Variants in OCA2 observed in about 807,000 individuals in gnomAD.
OCA2 encodes P protein.
OCA2 carries 77 observed loss-of-function variants against 100.2 expected under a neutral mutation model. That is an observed-to-expected ratio of 0.77 (90% CI 0.64 to 0.93). OCA2 has a LOEUF of 0.93. Ranked by LOEUF, OCA2 falls within the 40% of genes least tolerant of loss-of-function variation. OCA2 has a pLI of 0.00. For missense variants in OCA2, 1,062 were observed against 1,089.1 expected, an observed-to-expected ratio of 0.98 and a Z score of 0.35; for synonymous variants, 432 against 439.2, an observed-to-expected ratio of 0.98 and a Z score of 0.21.
In OCA2 at chr15:27,764,385, A is replaced by G. The variant is rs147463768; in HGVS notation, c.2433-8913T>C. On this transcript the variant is annotated intron_variant, in intron 23 of 23. Coordinates refer to ENST00000354638, the MANE Select transcript of OCA2 (RefSeq NM_000275.3). ...AAAGGCATTTTGCACATGCCACAAG[A>G]TCCCTGAAAGAGCCCTTATCTCATA... is the stretch of plus-strand genomic sequence containing the variant. Among the ~76,000 whole-genome samples, 1,438 of 152,224 alleles carry G rather than the reference A, an allele frequency of 9.4e-3. 38 individuals are homozygous for G. Among genetic ancestry groups the G allele is most frequent in the African/African-American group, 0.033 (1,386 of 41,504 alleles).
intron 9 of OCA2, among the ~76,000 whole-genome samples, chr15:28,014,342 C>T (rs1048697029): frequency 4.6e-5 from 7 of 152,296 alleles, no homozygotes; most frequent in Middle Eastern, 3.4e-3. Context: ...AATAATCCCT[C>T]CGGGCACACA....
the OCA2 span, among the ~76,000 whole-genome samples, chr15:27,726,853 C>T: frequency 3.9e-5 from 6 of 152,366 alleles, no homozygotes; most frequent in Admixed American, 1.3e-4. Flanking sequence ...CTCTCAGCCA[C>T]TGTTGAGATG....
intron 2 of OCA2, among the ~76,000 whole-genome samples, chr15:28,073,112 C>G (rs1398704712): frequency 6.6e-6 from 1 of 152,084 alleles, no homozygotes; most frequent in Non-Finnish European, 1.5e-5. Flanking sequence ...TACTATGCAG[C>G]CATAAAAAAG....
At chr15:28,058,044 G>A (rs1485254121) in intron 2 of OCA2, among the ~76,000 whole-genome samples, 1 of 152,172 alleles carries the variant, frequency 6.6e-6, no homozygotes, top group Non-Finnish European at 1.5e-5. Context: ...GGTCACCCTG[G>A]CCCACCAAGT....
At chr15:27,904,605 G>C (rs1299004804) in intron 19 of OCA2, among the ~76,000 whole-genome samples, 2 of 152,146 alleles carry the variant, frequency 1.3e-5, no homozygotes, top group African/African-American at 4.8e-5. Flanking sequence ...ACTGATCATG[G>C]GGCTTGGTTA....
chr15:27,976,202 G>A (rs531478154), intron 14 of OCA2, among the ~76,000 whole-genome samples: 26 of 152,234 alleles, frequency 1.7e-4, no homozygotes, highest in South Asian at 6.2e-4. Context: ...TGTGTCATCC[G>A]CAAATAAAGA....
intron 2 of OCA2, among the ~76,000 whole-genome samples, chr15:28,035,156 C>G (rs2043012818): frequency 6.6e-6 from 1 of 152,202 alleles, no homozygotes; most frequent in African/African-American, 2.4e-5. Context: ...GTGGCCACAT[C>G]TGGCTGATTT....
chr15:28,081,382 A>C (rs752245132), intron 2 of OCA2, among the ~76,000 whole-genome samples: 7 of 152,216 alleles, frequency 4.6e-5, no homozygotes, highest in Non-Finnish European at 1.0e-4. Context: ...GAATAATTGC[A>C]ATACTTTAAA....
At chr15:28,054,213 T>C (rs1398892204) in intron 2 of OCA2, among the ~76,000 whole-genome samples, 1 of 150,248 alleles carries the variant, frequency 6.7e-6, no homozygotes, top group African/African-American at 2.5e-5. Context: ...TATGTGTGTA[T>C]GTATGTGTAT....
Position 27,755,345 on chromosome 15 carries a change from G to T in OCA2, c.*43C>A. 6.9e-7 allele frequency: 1 copy of T among 1,441,078 alleles called. No individual in the cohort carries two copies. Among genetic ancestry groups the T allele is most frequent in the Non-Finnish European group, 9.8e-7 (1 of 1,022,550 alleles). 89.3% of individuals were successfully genotyped at this position (1,441,078 alleles called of 1,614,324 possible). ...AGTTTTATGACTAATGGGTTGTGAT[G>T]GATGAAGTTTCCTTTAGTCTTCGAG... On this transcript the variant is annotated 3_prime_UTR_variant, in exon 24 of 24. Coordinates refer to ENST00000354638, the MANE Select transcript of OCA2 (RefSeq NM_000275.3).
At chr15:27,978,652 A>T (rs2041044649) in intron 14 of OCA2, among the ~76,000 whole-genome samples, 1 of 151,986 alleles carries the variant, frequency 6.6e-6, no homozygotes, top group Non-Finnish European at 1.5e-5. Context: ...GTCTATATGT[A>T]TATATGTGTG....
In OCA2 at chr15:27,761,851, G is replaced by T. The variant is rs374178177; in HGVS notation, c.2433-6379C>A. On this transcript the variant is annotated intron_variant, in intron 23 of 23. Coordinates refer to ENST00000354638, the MANE Select transcript of OCA2 (RefSeq NM_000275.3). The stretch of plus-strand genomic sequence containing the variant: ...CAACTTATTTTTTTTAAGATATGGG[G>T]TCTCATTCTGTCATCCAGTCTGGAG... 2.0e-4 allele frequency among the ~76,000 whole-genome samples: 31 copies of T among 152,182 alleles called. 1 individual carries two copies. Among genetic ancestry groups the T allele is most frequent in the South Asian group, 1.0e-3 (5 of 4,808 alleles).
At position 27,952,125 on chromosome 15, in the gene OCA2, C is replaced by T. The variant is rs570890549; in HGVS notation, c.1843-233G>A. Among the ~76,000 whole-genome samples the T allele has an allele frequency of 2.6e-5, 4 of 152,322 alleles. No homozygotes were observed. In the South Asian group the frequency reaches 6.2e-4, roughly 24 times the overall value. ...AACACAGATGTCAAGAGTAGCACAG[C>T]CCTGTTATGAAACACCTGGCCGGCA... On this transcript the variant is annotated intron_variant, in intron 17 of 23. Transcript: ENST00000354638.
At chr15:27,827,092 G>A (rs959159337) in intron 23 of OCA2, among the ~76,000 whole-genome samples, 4 of 152,182 alleles carry the variant, frequency 2.6e-5, no homozygotes, top group African/African-American at 4.8e-5. Context: ...ACAAACGTTC[G>A]CCTTAGAGTG....
At chr15:27,719,045 C>A in the OCA2 span, among the ~76,000 whole-genome samples, 2 of 152,134 alleles carry the variant, frequency 1.3e-5, no homozygotes, top group Admixed American at 1.3e-4. Context: ...TTGGCCCAGC[C>A]CCAACTTCTG....
intron 1 of OCA2, among the ~76,000 whole-genome samples, chr15:28,096,794 C>T (rs1047175368): frequency 7.9e-5 from 12 of 152,116 alleles, no homozygotes; most frequent in Non-Finnish European, 7.4e-5. Flanking sequence ...CGGGAGAGGG[C>T]CTCGGGAGGC....
At chr15:27,728,736 T>C in the OCA2 span, among the ~76,000 whole-genome samples, 1 of 152,176 alleles carries the variant, frequency 6.6e-6, no homozygotes, top group Non-Finnish European at 1.5e-5. Flanking sequence ...CCAGGACATT[T>C]GTGAGTCCCT....
the OCA2 span, among the ~76,000 whole-genome samples, chr15:27,740,415 C>A: frequency 1.3e-5 from 2 of 152,090 alleles, no homozygotes; most frequent in African/African-American, 4.8e-5. Flanking sequence ...CTGACCATCG[C>A]CCCTGGGAGG....
chr15:27,990,069 C>T (rs1022186779), intron 10 of OCA2, among the ~76,000 whole-genome samples: 5 of 152,046 alleles, frequency 3.3e-5, no homozygotes, highest in African/African-American at 1.2e-4. Flanking sequence ...TCTGGGCCTC[C>T]ATCCCCAGTG....
Sources: gnomAD v4.1 joint callset for allele counts (sites outside exome capture counted in the v4.1 genomes callset) on GRCh38, gnomAD v4.1.1 for gene constraint, MANE v1.5 for transcripts, NCBI Gene and HGNC (gene_info 2026-07-23, HGNC 2026-07-21) for gene names.